BBS9: variants seen among roughly 807,000 people sequenced by gnomAD.
The protein encoded by BBS9 is protein PTHB1.
Under a neutral mutation model 117.7 loss-of-function variants are expected in BBS9, and 89 were observed. The observed-to-expected ratio is 0.76, with a 90% CI of 0.64 to 0.90. The LOEUF (loss-of-function observed/expected upper bound fraction) is 0.90. Among genes scored for constraint, BBS9 ranks in the 40% least tolerant of loss-of-function variants. The pLI is 0.00. For missense variants in BBS9, 982 were observed against 1,042.2 expected, an observed-to-expected ratio of 0.94 and a Z score of 0.80; for synonymous variants, 379 against 370.9, an observed-to-expected ratio of 1.02 and a Z score of -0.25.
chr7:33,374,552 G>T (rs537086810), intron 17 of BBS9, among the ~76,000 whole-genome samples: 1 of 152,088 alleles, frequency 6.6e-6, no homozygotes, highest in Non-Finnish European at 1.5e-5. Context: ...AAAAGTAAGC[G>T]TTGAGAAACA....
intron 1 of BBS9, among the ~76,000 whole-genome samples, chr7:33,136,247 G>GT (rs1790441344): frequency 6.6e-6 from 1 of 152,044 alleles, no homozygotes; most frequent in South Asian, 2.1e-4. Flanking sequence ...AGTTCTAATA[G>GT]TTTTTTCCCA....
intron 19 of BBS9, among the ~76,000 whole-genome samples, chr7:33,469,331 G>T (rs1170746520): frequency 2.0e-5 from 3 of 152,152 alleles, no homozygotes; most frequent in Non-Finnish European, 2.9e-5. Flanking sequence ...GACCCATGAA[G>T]TAGTCAGTAA....
At chr7:33,234,399 A>G (rs1394254298) in intron 5 of BBS9, among the ~76,000 whole-genome samples, 2 of 152,060 alleles carry the variant, frequency 1.3e-5, no homozygotes, top group Non-Finnish European at 2.9e-5. Context: ...GATTTGATAT[A>G]TGCATGCATT....
At chr7:33,563,768 A>G (rs1856451735) in intron 21 of BBS9, among the ~76,000 whole-genome samples, 1 of 152,186 alleles carries the variant, frequency 6.6e-6, no homozygotes, top group South Asian at 2.1e-4. Context: ...TGGTCGAGGG[A>G]AGGAATGTCT....
At chr7:33,179,347 G>A (rs1797775752) in intron 5 of BBS9, among the ~76,000 whole-genome samples, 1 of 152,160 alleles carries the variant, frequency 6.6e-6, no homozygotes. Context: ...GTTAGGAACC[G>A]GGTTTCACAG....
intron 19 of BBS9, among the ~76,000 whole-genome samples, chr7:33,402,728 G>A (rs1293182836): frequency 6.6e-6 from 1 of 152,110 alleles, no homozygotes; most frequent in Non-Finnish European, 1.5e-5. Context: ...GGCAGTACCT[G>A]TGCAGGCTTG....
In BBS9 at chr7:33,538,480, A is replaced by G. The variant is rs191401549; in HGVS notation, c.2521+4304A>G. Among the ~76,000 whole-genome samples, 882 of 152,324 alleles carry G rather than the reference A, an allele frequency of 5.8e-3. 8 individuals are homozygous for G. Among genetic ancestry groups the G allele is most frequent in the Middle Eastern group, 0.02 (6 of 294 alleles). ...GGATTTTAAATTCTTTTTAGTATTT[A>G]AAACTTGAGTCAATGACCTTTTGCC... On this transcript the variant is annotated intron_variant, in intron 21 of 22. Coordinates refer to ENST00000242067, the MANE Select transcript of BBS9 (RefSeq NM_198428.3).
intron 17 of BBS9, among the ~76,000 whole-genome samples, chr7:33,373,962 A>G (rs899877456): frequency 1.3e-5 from 2 of 152,162 alleles, no homozygotes; most frequent in African/African-American, 4.8e-5. Context: ...TGGGAGTATT[A>G]TTTTACTTCA....
chr7:33,540,414 C>G (rs1014854676), intron 21 of BBS9, among the ~76,000 whole-genome samples: 2 of 152,186 alleles, frequency 1.3e-5, no homozygotes, highest in African/African-American at 4.8e-5. Context: ...GAAGACTGAG[C>G]TTTTGTTATA....
At chr7:33,453,946 A>C (rs1009744911) in intron 19 of BBS9, among the ~76,000 whole-genome samples, 1 of 152,228 alleles carries the variant, frequency 6.6e-6, no homozygotes, top group Non-Finnish European at 1.5e-5. Flanking sequence ...ATTAGTAGTT[A>C]AATTTGGGGG....
chr7:33,625,499 C>T (rs185857686), intron 21 of BBS9, among the ~76,000 whole-genome samples: 47 of 152,312 alleles, frequency 3.1e-4, no homozygotes, highest in Non-Finnish European at 6.0e-4. Flanking sequence ...AACCTGTCTT[C>T]TATCTACTAT....
downstream of BBS9, among the ~76,000 whole-genome samples, chr7:33,606,228 A>G (rs1356898994): frequency 6.6e-6 from 1 of 152,198 alleles, no homozygotes. Flanking sequence ...GATCATTTAT[A>G]GCCATGATAT....
intron 19 of BBS9, among the ~76,000 whole-genome samples, chr7:33,391,300 T>TACCG (rs2128765137): frequency 6.6e-6 from 1 of 152,324 alleles, no homozygotes; most frequent in East Asian, 1.9e-4. Flanking sequence ...ATTTTTAAAG[T>TACCG]CTTTTCCCAA....
At chr7:33,503,096 T>C (rs1473212458) in intron 19 of BBS9, among the ~76,000 whole-genome samples, 1 of 152,246 alleles carries the variant, frequency 6.6e-6, no homozygotes, top group Non-Finnish European at 1.5e-5. Context: ...AATGCAAGTA[T>C]GAGCATTTAA....
chr7:33,380,916 C>T (rs1412805179), intron 17 of BBS9: 1 of 152,036 alleles, frequency 6.6e-6, no homozygotes, highest in African/African-American at 2.4e-5. Flanking sequence ...TGTGGGCTGC[C>T]TAGGATGGAC....
chr7:33,326,892 T>C (rs753219341), intron 9 of BBS9, among the ~76,000 whole-genome samples: 1 of 151,708 alleles, frequency 6.6e-6, no homozygotes, highest in African/African-American at 2.4e-5. Flanking sequence ...CTCTCTCCTC[T>C]CTTCAAGCAG....
chr7:33,254,421 A>G (rs1336676346), intron 5 of BBS9, among the ~76,000 whole-genome samples: 1 of 152,202 alleles, frequency 6.6e-6, no homozygotes, highest in Non-Finnish European at 1.5e-5. Flanking sequence ...GGTGTGTACA[A>G]TGTGATGTTC....
At chr7:33,576,145 A>G (rs1585325206) in intron 21 of BBS9, among the ~76,000 whole-genome samples, 1 of 152,204 alleles carries the variant, frequency 6.6e-6, no homozygotes, top group East Asian at 1.9e-4. Context: ...ATGATTGTAT[A>G]TTTAGGAAAC....
rs546178903 is a variant in BBS9, at chr7:33,505,456, T to C, written c.2116-7T>C. ...TTATCCCTAACCGAAGTTTGTAATATCTGCAGGTAATTGCTCTAGCAGATG... is the reference window on the plus strand; with the variant it reads ...TTATCCCTAACCGAAGTTTGTAATACCTGCAGGTAATTGCTCTAGCAGATG... On this transcript the variant is annotated splice_polypyrimidine_tract_variant and splice_region_variant and intron_variant, in intron 19 of 22. Coordinates refer to ENST00000242067, the MANE Select transcript of BBS9 (RefSeq NM_198428.3). 6.2e-7 allele frequency: 1 copy of C among 1,614,054 alleles called. No individual in the cohort carries two copies. Among genetic ancestry groups the C allele is most frequent in the East Asian group, 2.2e-5 (1 of 44,888 alleles).
Sources: gnomAD v4.1 joint callset for allele counts (sites outside exome capture counted in the v4.1 genomes callset) on GRCh38, gnomAD v4.1.1 for gene constraint, MANE v1.5 for transcripts, NCBI Gene and HGNC (gene_info 2026-07-23, HGNC 2026-07-21) for gene names.